Variants in DIPK2A observed in about 807,000 individuals in gnomAD.
The protein encoded by DIPK2A is divergent protein kinase domain 2A.
Under a neutral mutation model 39.0 loss-of-function variants are expected in DIPK2A, and 27 were observed. The observed-to-expected ratio is 0.69, with a 90% confidence interval of 0.51 to 0.96. The LOEUF is 0.96. Among genes scored for constraint, DIPK2A ranks in the 40% least tolerant of loss-of-function variants. The probability of loss-of-function intolerance (pLI) is 0.00; values close to 1 mark genes in which losing one functional copy is unlikely to be tolerated. For synonymous variants in DIPK2A, 298 were observed against 240.8 expected (o/e 1.24, Z -2.20); for missense variants, 528 against 571.3 (o/e 0.92, Z 0.77).
rs1175140959 is a variant in DIPK2A at position 143,972,460 on chromosome 3, A to T, written c.128A>T (p.Glu43Val). 2 of 1,603,530 alleles carry T rather than the reference A, an allele frequency of 1.2e-6. No individual in the cohort carries two copies. The highest frequency in any genetic ancestry group is 1.3e-5 in the African/African-American group (1 of 74,588). ...CTGCTCGCCTCTTGGCAGCGCAACG[A>T]ACTGACCGACCGGCGCTTCCTGCAG... ...PSLLASWQRN[E>V]LTDRRFLQLN... The change falls in exon 1 of 3, where the codon GAA becomes GTA. Residue 43 changes from glutamate to valine, a missense_variant. Glu to Val is a moderately radical substitution (Grantham distance 121). This residue lies in a region of DIPK2A where 309 missense variants were observed against 289.8 expected (regional missense o/e 1.07). Coordinates refer to ENST00000315691, the MANE Select transcript of DIPK2A (RefSeq NM_173552.5).
chr3:143,974,798 G>A (rs1410021186), intron 1 of DIPK2A, among the ~76,000 whole-genome samples: 1 of 152,070 alleles, frequency 6.6e-6, no homozygotes, highest in Non-Finnish European at 1.5e-5. Context: ...TTCTTTTTAA[G>A]TGTAGTCATA....
intron 1 of DIPK2A, among the ~76,000 whole-genome samples, chr3:143,978,688 A>ATATATATATC (rs2087784480): frequency 7.8e-6 from 1 of 128,432 alleles, no homozygotes; most frequent in African/African-American, 3.3e-5. Context: ...ATATCTATAT[A>ATATATATATC]TATATATATA....
At chr3:143,974,152 G>A (rs1236846320) in intron 1 of DIPK2A, among the ~76,000 whole-genome samples, 1 of 150,990 alleles carries the variant, frequency 6.6e-6, no homozygotes, top group Non-Finnish European at 1.5e-5. Flanking sequence ...TAAAATGCAT[G>A]AATAGGAAAG....
rs575589082 is a variant in DIPK2A at position 143,981,736 on chromosome 3, G to GT, written c.658-3804dup. 1.2e-4 allele frequency among the ~76,000 whole-genome samples: 18 copies of GT among 152,148 alleles called. No individual in the cohort carries two copies. In the East Asian group the frequency reaches 2.9e-3, roughly 24 times the overall value. ...AAAAAAACCACCCCAAACTAATAAA[G>GT]TTTAACTTCAACAAAAGGATATTGG... On this transcript the variant is annotated intron_variant, in intron 1 of 2. Transcript: ENST00000315691.
intron 2 of DIPK2A, among the ~76,000 whole-genome samples, chr3:143,986,695 A>C (rs1253442735): frequency 6.7e-6 from 1 of 149,862 alleles, no homozygotes; most frequent in Non-Finnish European, 1.5e-5. Flanking sequence ...ACTGCACTCC[A>C]GCCTGGGCAA....
chr3:143,977,981 C>A (rs1269628143), intron 1 of DIPK2A, among the ~76,000 whole-genome samples: 1 of 151,942 alleles, frequency 6.6e-6, no homozygotes, highest in Admixed American at 6.6e-5. Flanking sequence ...GAATTTTGTC[C>A]TTTGTATACT....
At position 143,985,596 on chromosome 3, in the gene DIPK2A, A is replaced by C. The variant is rs1157384784; in HGVS notation, c.711A>C (p.Gly237=). The C allele has an allele frequency of 6.2e-7, 1 of 1,614,176 alleles. No individual in the cohort carries two copies. Among genetic ancestry groups the C allele is most frequent in the African/African-American group, 1.3e-5 (1 of 75,054 alleles). The part of the protein sequence containing the change: ...WPFAKYLGAC[G]RMVAVNYVGE... ...TTGCAAAGTATCTTGGAGCTTGTGG[A>C]AGAATGGTGGCTGTAAATTATGTTG... The change falls in exon 2 of 3, where the codon GGA becomes GGC. Residue 237 remains glycine, a synonymous_variant. Coordinates refer to ENST00000315691, the MANE Select transcript of DIPK2A (RefSeq NM_173552.5).
At chr3:143,977,549 G>A (rs995383819) in intron 1 of DIPK2A, among the ~76,000 whole-genome samples, 4 of 152,008 alleles carry the variant, frequency 2.6e-5, no homozygotes, top group Non-Finnish European at 4.4e-5. Flanking sequence ...TGTGCAAAAC[G>A]ATGTTCCAGA....
chr3:143,974,119 G>A (rs1437580478), intron 1 of DIPK2A, among the ~76,000 whole-genome samples: 1 of 120,176 alleles, frequency 8.3e-6, no homozygotes, highest in South Asian at 2.5e-4. Context: ...GGAGGTACAG[G>A]GTTTTTTTTT....
chr3:143,973,725 A>AT, intron 1 of DIPK2A: 1 of 623,190 alleles, frequency 1.6e-6, no homozygotes. Flanking sequence ...TTGAAGGGAG[A>AT]TGAAATATTA....
intron 2 of DIPK2A, among the ~76,000 whole-genome samples, chr3:143,987,475 A>G (rs1050381472): frequency 6.6e-6 from 1 of 152,144 alleles, no homozygotes; most frequent in African/African-American, 2.4e-5. Flanking sequence ...CTAAATAGTC[A>G]CTTTGCAAAA....
intron 1 of DIPK2A, among the ~76,000 whole-genome samples, chr3:143,983,855 T>C (rs1207613303): frequency 6.6e-6 from 1 of 152,138 alleles, no homozygotes; most frequent in Non-Finnish European, 1.5e-5. Flanking sequence ...CTACATTTTG[T>C]ATTGGGAAGG....
chr3:143,976,872 A>C (rs900644610), intron 1 of DIPK2A, among the ~76,000 whole-genome samples: 1 of 152,064 alleles, frequency 6.6e-6, no homozygotes, highest in Admixed American at 6.5e-5. Flanking sequence ...TTCACGTAGT[A>C]TCTGGTAAAT....
chr3:143,984,560 A>G (rs1384683021), intron 1 of DIPK2A, among the ~76,000 whole-genome samples: 1 of 151,850 alleles, frequency 6.6e-6, no homozygotes, highest in African/African-American at 2.4e-5. Flanking sequence ...GAACACACAC[A>G]TTTATTGATT....
rs1040299309 is a variant in DIPK2A, at chr3:143,990,421, A to G, written c.*580A>G. ...CTGTTAGGGCAGGATTCCCAGGTTT[A>G]CTGTGTTTTTTTTTTTTTTTTTTAA... On this transcript the variant is annotated 3_prime_UTR_variant, in exon 3 of 3. Transcript: ENST00000315691. The G allele has an allele frequency of 7.5e-5, 9 of 119,336 alleles. No individual in the cohort carries two copies. The Admixed American group carries it at 7.6e-4, about 10-fold the overall frequency. 7.4% of individuals were successfully genotyped at this position (119,336 alleles called of 1,614,324 possible).
intron 1 of DIPK2A, among the ~76,000 whole-genome samples, chr3:143,985,228 G>A (rs1291801318): frequency 6.6e-6 from 1 of 152,186 alleles, no homozygotes; most frequent in African/African-American, 2.4e-5. Flanking sequence ...ATAAGGGAAA[G>A]CATAAATACT....
intron 1 of DIPK2A, among the ~76,000 whole-genome samples, chr3:143,984,068 C>T (rs866705481): frequency 3.3e-5 from 5 of 152,352 alleles, no homozygotes; most frequent in Middle Eastern, 3.4e-3. Context: ...CCTCTGCTAG[C>T]TTCAAACTTT....
At position 143,991,801 on chromosome 3, in the gene DIPK2A, C is replaced by T. The variant is rs868858994; in HGVS notation, c.*1960C>T. The T allele has an allele frequency of 2.6e-5, 4 of 152,128 alleles. No individual in the cohort carries two copies. The highest frequency in any genetic ancestry group is 9.7e-5 in the African/African-American group (4 of 41,442). The allele number at this position is 152,128 out of a possible 1,614,324, so 9.4% of individuals were successfully genotyped here. On this transcript the variant is annotated 3_prime_UTR_variant, in exon 3 of 3. Coordinates refer to ENST00000315691, the MANE Select transcript of DIPK2A (RefSeq NM_173552.5). ...AAATACACATTTTCAAGAGGGAGCA[C>T]CTTTTATATTTGATAAGTTTTCATT...
intron 1 of DIPK2A, among the ~76,000 whole-genome samples, chr3:143,981,685 A>G (rs929260672): frequency 1.3e-5 from 2 of 152,200 alleles, no homozygotes; most frequent in Non-Finnish European, 1.5e-5. Context: ...AAAAACAGAA[A>G]CAAAAACAAA....
Sources: allele counts gnomAD v4.1 joint callset (sites outside exome capture counted in the v4.1 genomes callset), GRCh38; gene constraint gnomAD v4.1.1; regional missense constraint gnomAD v4.1.1; transcripts MANE v1.5; gene names NCBI Gene and HGNC (gene_info 2026-07-23, HGNC 2026-07-21).